FOXK2: variants seen among roughly 807,000 people sequenced by gnomAD.
The protein encoded by FOXK2 is forkhead box K2.
Under a neutral mutation model 53.3 loss-of-function variants are expected in FOXK2, and 24 were observed. The observed-to-expected ratio is 0.45, with a 90% CI of 0.33 to 0.63. The LOEUF is 0.63. Ranked by LOEUF, FOXK2 falls within the 30% of genes least tolerant of loss-of-function variation. The pLI is 0.03. For missense variants in FOXK2, 952 were observed against 910.5 expected (o/e 1.05, Z -0.59); for synonymous variants, 505 against 407.1 (o/e 1.24, Z -2.89).
intron 4 of FOXK2, among the ~76,000 whole-genome samples, chr17:82,574,776 C>G (rs540852754): frequency 4.4e-4 from 67 of 152,302 alleles, no homozygotes; most frequent in African/African-American, 1.5e-3. Context: ...ACAACAAAAG[C>G]CAGGTGTTTT....
intron 1 of FOXK2, among the ~76,000 whole-genome samples, chr17:82,530,499 A>G (rs909482204): frequency 6.8e-6 from 1 of 148,140 alleles, no homozygotes; most frequent in Non-Finnish European, 1.5e-5. Flanking sequence ...GAAATTTAAA[A>G]CTACTGATGT....
chr17:82,562,963 G>A (rs1325764733), intron 1 of FOXK2, among the ~76,000 whole-genome samples: 1 of 151,838 alleles, frequency 6.6e-6, no homozygotes, highest in Non-Finnish European at 1.5e-5. Flanking sequence ...GCACCACCAC[G>A]CCTGGCTAAT....
intron 8 of FOXK2, chr17:82,587,522 TC>T (rs1321772860): frequency 2.0e-6 from 1 of 511,782 alleles, no homozygotes; most frequent in African/African-American, 1.9e-5. Flanking sequence ...AAAAATACTC[TC>T]GCCTCTTGTA....
Position 82,566,310 on chromosome 17 carries a change from C to T in FOXK2, c.615-1744C>T, listed in dbSNP as rs563698735. Among the ~76,000 whole-genome samples, 290 of 152,106 alleles carry T rather than the reference C, an allele frequency of 1.9e-3. 1 individual carries two copies. Among genetic ancestry groups the T allele is most frequent in the African/African-American group, 6.8e-3 (281 of 41,476 alleles). ...TGTGTTTGTGAAATGGAGGTGTGGC[C>T]AGTGGACTCTGGCCACCATCCTGTG... On this transcript the variant is annotated intron_variant, in intron 2 of 8. Transcript: ENST00000335255.
rs141718903 is a variant in FOXK2, at chr17:82,548,888, G to A, written c.420-14466G>A. ...ATTCTCACCTCCGAGGAGCGGTTGC[G>A]TCTCGATGCATCGGCACAGGAGGGC... On this transcript the variant is annotated intron_variant, in intron 1 of 8. Transcript: ENST00000335255. Among the ~76,000 whole-genome samples, 246 of 152,224 alleles carry A rather than the reference G, an allele frequency of 1.6e-3. 1 individual carries two copies. Among genetic ancestry groups the A allele is most frequent in the African/African-American group, 5.8e-3 (242 of 41,536 alleles).
Position 82,571,786 on chromosome 17 carries a change from C to G in FOXK2, c.825C>G (p.Pro275=). The G allele has an allele frequency of 6.2e-7, 1 of 1,602,986 alleles. No homozygotes were observed. Among genetic ancestry groups the G allele is most frequent in the Non-Finnish European group, 8.5e-7 (1 of 1,175,798 alleles). The change falls in exon 4 of 9, where the codon CCC becomes CCG. Residue 275 remains proline, a synonymous_variant. Coordinates refer to ENST00000335255, the MANE Select transcript of FOXK2 (RefSeq NM_004514.4). The stretch of plus-strand genomic sequence containing the variant: ...TAGTTCAGGCGATTACGATGGCTCC[C>G]GACAAACAGCTCACCCTGAACGGGA... ...QLIVQAITMA[P]DKQLTLNGIY...
intron 1 of FOXK2, among the ~76,000 whole-genome samples, chr17:82,541,162 C>T (rs767563135): frequency 1.1e-4 from 16 of 152,030 alleles, no homozygotes; most frequent in Admixed American, 9.2e-4. Flanking sequence ...ACCTCAGGGG[C>T]GTGCAGGGAC....
At chr17:82,551,491 C>T (rs1023550400) in intron 1 of FOXK2, among the ~76,000 whole-genome samples, 5 of 151,962 alleles carry the variant, frequency 3.3e-5, no homozygotes, top group Non-Finnish European at 7.4e-5. Context: ...GCCTGGCCAT[C>T]ATGGTGAAAC....
At chr17:82,526,027 C>G (rs2044415724) in intron 1 of FOXK2, among the ~76,000 whole-genome samples, 1 of 151,922 alleles carries the variant, frequency 6.6e-6, no homozygotes, top group Non-Finnish European at 1.5e-5. Flanking sequence ...GCATGAATCC[C>G]TCACTTTCTT....
In FOXK2 at chr17:82,568,205, A is replaced by G; in HGVS notation, c.762+4A>G. ...TTCAGGTGGAGACAGCCCGAAGGTA[A>G]AGGCTTTGTAGCCTTGAAGCAGCCC... On this transcript the variant is annotated splice_donor_region_variant and intron_variant, in intron 3 of 8. Coordinates refer to ENST00000335255, the MANE Select transcript of FOXK2 (RefSeq NM_004514.4). The G allele has an allele frequency of 6.2e-7, 1 of 1,611,150 alleles. No individual in the cohort carries two copies. Among genetic ancestry groups the G allele is most frequent in the Non-Finnish European group, 8.5e-7 (1 of 1,179,792 alleles).
Position 82,529,415 on chromosome 17 carries a change from A to T in FOXK2, c.419+9108A>T, listed in dbSNP as rs1430232127. Reference sequence around the variant, plus strand: ...TTTTTTTTTTTTTTTTTCAAGATGGAGTTCTGCTCTGTCGTCCAGGCTGGA... The same window carrying T: ...TTTTTTTTTTTTTTTTTCAAGATGGTGTTCTGCTCTGTCGTCCAGGCTGGA... On this transcript the variant is annotated intron_variant, in intron 1 of 8. Coordinates refer to ENST00000335255, the MANE Select transcript of FOXK2 (RefSeq NM_004514.4). Among the ~76,000 whole-genome samples, 5 of 121,754 alleles carry T rather than the reference A, an allele frequency of 4.1e-5. No individual in the cohort carries two copies. In the Admixed American group the frequency reaches 4.4e-4, roughly 11 times the overall value. The allele number at this position is 121,754 out of a possible 152,430, so 79.9% of individuals were successfully genotyped here. A position where few individuals can be genotyped will look rare whatever the true frequency, so the allele number is the denominator to read the frequency against.
Position 82,555,015 on chromosome 17 carries a change from C to T in FOXK2, c.420-8339C>T, listed in dbSNP as rs1203325379. On this transcript the variant is annotated intron_variant, in intron 1 of 8. Transcript: ENST00000335255. ...CTGCCCGCCTCGGCCTCCCAAAGTG[C>T]TGGGATTACAGGCGTGAGCCACTGC... Among the ~76,000 whole-genome samples, 4 of 152,302 alleles carry T rather than the reference C, an allele frequency of 2.6e-5. No individual in the cohort carries two copies. In the South Asian group the frequency reaches 6.2e-4, roughly 24 times the overall value.
Position 82,557,356 on chromosome 17 carries a change from A to T in FOXK2, c.420-5998A>T, listed in dbSNP as rs566548657. Among the ~76,000 whole-genome samples the T allele has an allele frequency of 2.9e-3, 432 of 147,306 alleles. 2 individuals are homozygous for T. Among genetic ancestry groups the T allele is most frequent in the African/African-American group, 0.01 (398 of 39,650 alleles). On this transcript the variant is annotated intron_variant, in intron 1 of 8. Transcript: ENST00000335255. ...CTATTTTTATTTTTTATATATATAT[A>T]TTTTTGAGACAGAATCTCACACTGT...
intron 1 of FOXK2, among the ~76,000 whole-genome samples, chr17:82,521,169 A>AT (rs145861603): frequency 0.052 from 7,957 of 152,062 alleles, 286 homozygotes; most frequent in East Asian, 0.13. Context: ...ACAAACTGGA[A>AT]TTTTTTTGTT....
At chr17:82,571,683 G>A (rs778813233) in intron 3 of FOXK2, 41 bp from the exon 4 acceptor site, 3 of 1,455,978 alleles carry the variant, frequency 2.1e-6, no homozygotes, top group Admixed American at 5.4e-5. Context: ...ACAAAATATG[G>A]TAACTTCAAT....
At chr17:82,567,976 A>G (rs1236993332) in intron 2 of FOXK2, 78 bp from the exon 3 acceptor site, 7 of 1,157,938 alleles carry the variant, frequency 6.0e-6, no homozygotes, top group Non-Finnish European at 8.1e-6. Context: ...TATCCCTGTA[A>G]TTAAAGCCAG....
chr17:82,519,811 G>C lies in FOXK2; in HGVS notation c.-78G>C. ...CCCTCAGCTCCGGTGCGCGGCGGCC[G>C]ACGACCCGCGCGGCCTGGGCCTCGG... On this transcript the variant is annotated 5_prime_UTR_variant, in exon 1 of 9. Coordinates refer to ENST00000335255, the MANE Select transcript of FOXK2 (RefSeq NM_004514.4). 2 of 507,476 alleles carry C rather than the reference G, an allele frequency of 3.9e-6. No homozygotes were observed. The highest frequency in any genetic ancestry group is 5.0e-6 in the Non-Finnish European group (2 of 397,388). 31.4% of individuals were successfully genotyped at this position (507,476 alleles called of 1,614,324 possible).
intron 1 of FOXK2, among the ~76,000 whole-genome samples, chr17:82,534,458 C>T (rs1481285088): frequency 6.6e-6 from 1 of 152,174 alleles, no homozygotes; most frequent in African/African-American, 2.4e-5. Context: ...GTCTTTGCAC[C>T]GGGTGCTGCT....
intron 1 of FOXK2, among the ~76,000 whole-genome samples, chr17:82,525,381 T>C (rs1252708851): frequency 1.3e-5 from 2 of 152,148 alleles, no homozygotes; most frequent in East Asian, 3.9e-4. Flanking sequence ...GGTTTCACCA[T>C]GTTGGTCAGG....
Sources: allele counts gnomAD v4.1 joint callset (sites outside exome capture counted in the v4.1 genomes callset), GRCh38; gene constraint gnomAD v4.1.1; transcripts MANE v1.5; gene names NCBI Gene and HGNC (gene_info 2026-07-23, HGNC 2026-07-21).